The following NELL1 variants were observed in gnomAD, a reference collection of about 807,000 sequenced individuals.
NELL1 encodes the protein protein kinase C-binding protein NELL1.
In NELL1, 76 loss-of-function variants were observed where a neutral mutation model predicts 107.4. The ratio of observed to expected loss-of-function variants is 0.71; its 90% CI spans 0.59 to 0.86. The LOEUF is 0.86. NELL1 is among the 40% of genes least tolerant of loss of function. The probability of loss-of-function intolerance (pLI) is 0.00; values close to 1 mark genes in which losing one functional copy is unlikely to be tolerated. For missense variants in NELL1, 1,024 were observed against 1,005.5 expected, an observed-to-expected ratio of 1.02 and a Z score of -0.25; for synonymous variants, 353 against 341.2, an observed-to-expected ratio of 1.03 and a Z score of -0.38.
intron 2 of NELL1, among the ~76,000 whole-genome samples, chr11:20,733,240 T>C (rs1426848094): frequency 6.6e-6 from 1 of 152,228 alleles, no homozygotes; most frequent in Non-Finnish European, 1.5e-5. Flanking sequence ...AAGAGCACTG[T>C]ATCTTCTAAC....
At chr11:21,361,942 C>T (rs1298152647) in intron 14 of NELL1, among the ~76,000 whole-genome samples, 2 of 152,002 alleles carry the variant, frequency 1.3e-5, no homozygotes, top group Non-Finnish European at 2.9e-5. Context: ...TCTGGTATTT[C>T]TTTGAGTAGC....
chr11:21,131,198 G>A (rs1240609440), intron 13 of NELL1, among the ~76,000 whole-genome samples: 3 of 151,904 alleles, frequency 2.0e-5, no homozygotes, highest in African/African-American at 4.8e-5. Flanking sequence ...CTAATATGAG[G>A]ATAATAATAA....
chr11:21,554,981 G>A (rs1283869355), intron 16 of NELL1, among the ~76,000 whole-genome samples: 1 of 151,954 alleles, frequency 6.6e-6, no homozygotes, highest in African/African-American at 2.4e-5. Flanking sequence ...CCACTAAGGA[G>A]AAAGAGAAAC....
intron 12 of NELL1, among the ~76,000 whole-genome samples, chr11:21,001,502 T>C (rs7120041): frequency 0.36 from 53,931 of 150,010 alleles, 12,854 homozygotes; most frequent in African/African-American, 0.68. Context: ...CTAAGGGGCA[T>C]GAATGGAAAG....
In NELL1 at chr11:20,847,692, T is replaced by TG; in HGVS notation, c.447dup (p.His150AlafsTer8). The TG allele has an allele frequency of 3.1e-6, 5 of 1,613,690 alleles. No individual in the cohort carries two copies. Among genetic ancestry groups the TG allele is most frequent in the Non-Finnish European group, 4.2e-6 (5 of 1,179,824 alleles). ...TCCTTACCGCATGGCAGATGGACAA[T>TG]GGCACAAGGTTGCACTGTCAGTTAG... is the stretch of plus-strand genomic sequence containing the variant. On this transcript the variant is annotated frameshift_variant, in exon 4 of 20. Coordinates refer to ENST00000357134, the MANE Select transcript of NELL1 (RefSeq NM_006157.5). LOFTEE classifies it high-confidence loss of function.
At chr11:20,842,442 A>C (rs917995527) in intron 3 of NELL1, among the ~76,000 whole-genome samples, 1 of 152,118 alleles carries the variant, frequency 6.6e-6, no homozygotes, top group Non-Finnish European at 1.5e-5. Flanking sequence ...GATTAGCATA[A>C]AGAATGAGGG....
At chr11:20,918,949 A>G (rs1366831852) in intron 6 of NELL1, among the ~76,000 whole-genome samples, 2 of 152,008 alleles carry the variant, frequency 1.3e-5, no homozygotes, top group Admixed American at 6.6e-5. Flanking sequence ...TTCTTCTTCT[A>G]TGATACTTCA....
At chr11:21,280,137 C>A (rs192817351) in intron 14 of NELL1, among the ~76,000 whole-genome samples, 1 of 152,066 alleles carries the variant, frequency 6.6e-6, no homozygotes, top group Admixed American at 6.5e-5. Flanking sequence ...ATGGTGGATA[C>A]CTATCATTAT....
intron 15 of NELL1, among the ~76,000 whole-genome samples, chr11:21,472,639 T>G (rs925768903): frequency 1.3e-5 from 2 of 152,040 alleles, no homozygotes; most frequent in South Asian, 2.1e-4. Context: ...ATGAAAATAC[T>G]AATTAGGGAG....
chr11:20,791,729 GGTT>G (rs1857077773), intron 3 of NELL1, among the ~76,000 whole-genome samples: 2 of 23,046 alleles, frequency 8.7e-5, no homozygotes, highest in Non-Finnish European at 3.2e-4. Context: ...CCAGTCTGGA[GGTT>G]TTTTTTTTTT....
intron 2 of NELL1, among the ~76,000 whole-genome samples, chr11:20,729,327 G>A (rs1289457582): frequency 6.6e-6 from 1 of 152,052 alleles, no homozygotes; most frequent in African/African-American, 2.4e-5. Flanking sequence ...GCTCTAGCTA[G>A]CACTTCCAAT....
intron 3 of NELL1, among the ~76,000 whole-genome samples, chr11:20,789,268 G>A (rs1857028901): frequency 6.6e-6 from 1 of 152,234 alleles, no homozygotes; most frequent in South Asian, 2.1e-4. Flanking sequence ...AGCAAGGGGT[G>A]TGTGAGTGAG....
chr11:20,694,288 T>C (rs1367058213), intron 2 of NELL1, among the ~76,000 whole-genome samples: 3 of 152,138 alleles, frequency 2.0e-5, no homozygotes, highest in Non-Finnish European at 4.4e-5. Context: ...TCCTTGTTAA[T>C]TTTTGTTTTT....
chr11:21,009,011 A>G (rs931839370), intron 12 of NELL1, among the ~76,000 whole-genome samples: 10 of 152,016 alleles, frequency 6.6e-5, no homozygotes, highest in East Asian at 1.9e-4. Context: ...AACTGTGGCA[A>G]TTTGATTGGT....
At chr11:21,567,880 CA>C (rs1857008007) in intron 17 of NELL1, among the ~76,000 whole-genome samples, 6 of 151,766 alleles carry the variant, frequency 4.0e-5, no homozygotes. Context: ...CAGAGATAAA[CA>C]TCAAGTTGTA....
At chr11:20,797,929 A>G (rs1417064359) in intron 3 of NELL1, among the ~76,000 whole-genome samples, 1 of 152,224 alleles carries the variant, frequency 6.6e-6, no homozygotes, top group Non-Finnish European at 1.5e-5. Context: ...AGTAGAAAGG[A>G]GTAATAATAG....
intron 3 of NELL1, among the ~76,000 whole-genome samples, chr11:20,800,304 T>C (rs920134370): frequency 1.3e-5 from 2 of 152,162 alleles, no homozygotes; most frequent in Admixed American, 6.5e-5. Flanking sequence ...TAATTTACAT[T>C]CCCACTGACA....
At chr11:21,063,008 GTA>G (rs1306672659) in intron 12 of NELL1, among the ~76,000 whole-genome samples, 1 of 151,674 alleles carries the variant, frequency 6.6e-6, no homozygotes, top group Non-Finnish European at 1.5e-5. Context: ...GTGTGTGTGT[GTA>G]TGTGTATATG....
At chr11:21,110,955 A>G (rs1365842449) in intron 12 of NELL1, among the ~76,000 whole-genome samples, 1 of 152,106 alleles carries the variant, frequency 6.6e-6, no homozygotes, top group East Asian at 1.9e-4. Flanking sequence ...ACAGCACACT[A>G]ATGTCCACAA....
Sources: gnomAD v4.1 joint callset for allele counts (sites outside exome capture counted in the v4.1 genomes callset) on GRCh38, gnomAD v4.1.1 for gene constraint, MANE v1.5 for transcripts, NCBI Gene and HGNC (gene_info 2026-07-23, HGNC 2026-07-21) for gene names.